Variants in L3MBTL4 observed in about 807,000 individuals in gnomAD.
L3MBTL4 encodes lethal(3)malignant brain tumor-like protein 4.
A neutral mutation model predicts 84.5 loss-of-function variants in L3MBTL4; 70 were observed. The observed-to-expected ratio is 0.83, with a 90% CI of 0.68 to 1.01. The LOEUF (loss-of-function observed/expected upper bound fraction) is 1.01. L3MBTL4 is among the 50% of genes least tolerant of loss of function. L3MBTL4 has a pLI of 0.00. For synonymous variants in L3MBTL4, 274 were observed against 259.8 expected, an observed-to-expected ratio of 1.05 and a Z score of -0.52; for missense variants, 715 against 754.8, an observed-to-expected ratio of 0.95 and a Z score of 0.62.
intron 14 of L3MBTL4, among the ~76,000 whole-genome samples, chr18:6,122,430 G>A (rs2059561431): frequency 6.6e-6 from 1 of 152,150 alleles, no homozygotes; most frequent in South Asian, 2.1e-4. Flanking sequence ...ACTGAATCCT[G>A]GGAGCAGGTC....
intron 13 of L3MBTL4, among the ~76,000 whole-genome samples, chr18:6,157,197 T>C (rs2043141384): frequency 6.6e-6 from 1 of 152,244 alleles, no homozygotes; most frequent in African/African-American, 2.4e-5. Flanking sequence ...ACTTAGGGAC[T>C]CTTAAAACTG....
In L3MBTL4 at chr18:6,152,908, G is replaced by A. The variant is rs529573048; in HGVS notation, c.1097-14612C>T. On this transcript the variant is annotated intron_variant, in intron 13 of 18. Transcript: ENST00000317931. ...TTTAATCCATTTCAAGTTAATTTTT[G>A]TATGTGGTGCAAGACAAGGGTCCAA... Among the ~76,000 whole-genome samples the A allele has an allele frequency of 2.0e-5, 3 of 152,158 alleles. No individual in the cohort carries two copies. The South Asian group carries it at 6.2e-4, about 32-fold the overall frequency.
At chr18:6,383,153 C>T (rs2054667641) in intron 1 of L3MBTL4, among the ~76,000 whole-genome samples, 1 of 152,058 alleles carries the variant, frequency 6.6e-6, no homozygotes, top group African/African-American at 2.4e-5. Context: ...TGGTGGACGC[C>T]CCTCCCCCAA....
intron 14 of L3MBTL4, among the ~76,000 whole-genome samples, chr18:6,121,597 G>A (rs1470896313): frequency 1.3e-5 from 2 of 151,832 alleles, no homozygotes. Flanking sequence ...CACTTTCACA[G>A]CCCTACACAC....
At chr18:6,070,606 C>T (rs1219044156) in intron 16 of L3MBTL4, among the ~76,000 whole-genome samples, 3 of 151,252 alleles carry the variant, frequency 2.0e-5, no homozygotes, top group African/African-American at 7.3e-5. Flanking sequence ...TGTTTGAACC[C>T]AGGAGTTTGA....
intron 1 of L3MBTL4, among the ~76,000 whole-genome samples, chr18:6,356,142 A>C (rs2053435513): frequency 6.6e-6 from 1 of 152,186 alleles, no homozygotes; most frequent in Non-Finnish European, 1.5e-5. Flanking sequence ...TACCTTTTAA[A>C]ATCCAAAATA....
At chr18:6,393,725 T>C (rs919324731) in intron 1 of L3MBTL4, among the ~76,000 whole-genome samples, 2 of 152,220 alleles carry the variant, frequency 1.3e-5, no homozygotes, top group African/African-American at 4.8e-5. Flanking sequence ...ACGCTGCTAC[T>C]GCCCTGGTTG....
intron 5 of L3MBTL4, 115 bp from the exon 6 acceptor site, chr18:6,244,703 G>C: frequency 1.4e-6 from 1 of 713,778 alleles, no homozygotes; most frequent in South Asian, 1.8e-5. Context: ...TAGAAACAGA[G>C]AGTAGAATGG....
At chr18:6,182,780 C>G (rs971025218) in intron 12 of L3MBTL4, among the ~76,000 whole-genome samples, 13 of 102,094 alleles carry the variant, frequency 1.3e-4, no homozygotes, top group African/African-American at 2.4e-4. Flanking sequence ...ATCTCAGCAC[C>G]AGTTATTGAA....
chr18:5,998,146 C>T (rs1176845049), intron 16 of L3MBTL4, among the ~76,000 whole-genome samples: 1 of 152,236 alleles, frequency 6.6e-6, no homozygotes, highest in Non-Finnish European at 1.5e-5. Flanking sequence ...CTGATCCTTC[C>T]TGCCCCAAAC....
At chr18:5,979,423 T>C (rs1456568612) in intron 16 of L3MBTL4, among the ~76,000 whole-genome samples, 1 of 152,190 alleles carries the variant, frequency 6.6e-6, no homozygotes, top group Non-Finnish European at 1.5e-5. Context: ...GAATGATCCC[T>C]GCCAGAGGCC....
At chr18:6,291,638 A>G (rs1340620733) in intron 4 of L3MBTL4, among the ~76,000 whole-genome samples, 1 of 152,184 alleles carries the variant, frequency 6.6e-6, no homozygotes, top group African/African-American at 2.4e-5. Flanking sequence ...GGGAAACTGG[A>G]TATCCATATG....
At chr18:6,377,201 A>G (rs969552068) in intron 1 of L3MBTL4, among the ~76,000 whole-genome samples, 11 of 152,184 alleles carry the variant, frequency 7.2e-5, no homozygotes, top group African/African-American at 2.7e-4. Flanking sequence ...ATACTGAGTA[A>G]CTGACAAACT....
chr18:5,999,186 C>A (rs1301010496), intron 16 of L3MBTL4, among the ~76,000 whole-genome samples: 2 of 152,194 alleles, frequency 1.3e-5, no homozygotes, highest in African/African-American at 4.8e-5. Flanking sequence ...TAGTTCTCTG[C>A]TTTTGATTAT....
chr18:6,248,897 T>C (rs544002764), intron 5 of L3MBTL4, among the ~76,000 whole-genome samples: 54 of 152,242 alleles, frequency 3.5e-4, no homozygotes, highest in Non-Finnish European at 6.9e-4. Flanking sequence ...AACCTATGAA[T>C]TGGCTTGTAA....
intron 13 of L3MBTL4, among the ~76,000 whole-genome samples, chr18:6,145,113 C>G (rs951734338): frequency 3.9e-5 from 6 of 152,040 alleles, no homozygotes; most frequent in Non-Finnish European, 4.4e-5. Flanking sequence ...AGAAAACACT[C>G]AAGTTGCGTA....
chr18:6,193,690 G>A (rs2045238596), intron 12 of L3MBTL4, among the ~76,000 whole-genome samples: 2 of 152,214 alleles, frequency 1.3e-5, no homozygotes, highest in Non-Finnish European at 2.9e-5. Context: ...AAAGGAGCAG[G>A]TGGTGCCAGG....
chr18:6,150,143 G>C (rs1487851069), intron 13 of L3MBTL4, among the ~76,000 whole-genome samples: 1 of 152,034 alleles, frequency 6.6e-6, no homozygotes, highest in African/African-American at 2.4e-5. Flanking sequence ...ACAATTTTCG[G>C]ACTAAAAATG....
intron 1 of L3MBTL4, among the ~76,000 whole-genome samples, chr18:6,339,079 C>T (rs932270799): frequency 3.3e-5 from 5 of 152,148 alleles, no homozygotes; most frequent in Non-Finnish European, 7.4e-5. Flanking sequence ...CTATCAATAG[C>T]TTATAAAACA....
Sources: gnomAD v4.1 joint callset for allele counts (sites outside exome capture counted in the v4.1 genomes callset) on GRCh38, gnomAD v4.1.1 for gene constraint, MANE v1.5 for transcripts, NCBI Gene and HGNC (gene_info 2026-07-23, HGNC 2026-07-21) for gene names.